The following ADAMTS1 variants were observed in gnomAD, a reference collection of about 807,000 sequenced individuals.
ADAMTS1 encodes the protein A disintegrin and metalloproteinase with thrombospondin motifs 1.
In ADAMTS1, 19 loss-of-function variants were observed where a neutral mutation model predicts 87.9. That is an observed-to-expected ratio of 0.22 (90% CI 0.15 to 0.32). ADAMTS1 has a LOEUF of 0.32. Among genes scored for constraint, ADAMTS1 ranks in the 10% least tolerant of loss-of-function variants. ADAMTS1 has a pLI of 1.00. For missense variants in ADAMTS1, 1,240 were observed against 1,259.1 expected (o/e 0.98, Z 0.23); for synonymous variants, 542 against 501.8 (o/e 1.08, Z -1.07).
In ADAMTS1 at chr21:26,839,583, C is replaced by A; in HGVS notation, c.2028+4G>T. On this transcript the variant is annotated splice_donor_region_variant and intron_variant, in intron 7 of 8. Coordinates refer to ENST00000284984, the MANE Select transcript of ADAMTS1 (RefSeq NM_006988.5). ...TAGGTAAAAATAAGGTAAAAACGAA[C>A]TACCTTGGGCTGCAAAACGAAGAAG... The A allele has an allele frequency of 6.5e-7, 1 of 1,529,740 alleles. No individual in the cohort carries two copies. The highest frequency in any genetic ancestry group is 1.3e-5 in the South Asian group (1 of 78,516). The allele number at this position is 1,529,740 out of a possible 1,614,324, so 94.8% of individuals were successfully genotyped here.
chr21:26,836,206 A>G lies in ADAMTS1; in HGVS notation c.*1373T>C, dbSNP rs1985360523. On this transcript the variant is annotated 3_prime_UTR_variant, in exon 9 of 9. Coordinates refer to ENST00000284984, the MANE Select transcript of ADAMTS1 (RefSeq NM_006988.5). ...TATTGCCAAATAATTTAAGAAAATA[A>G]TTCGGTCTTCAGATTCAATATTTGT... is the stretch of plus-strand genomic sequence containing the variant. 1 of 152,194 alleles carries G rather than the reference A, an allele frequency of 6.6e-6. No individual in the cohort carries two copies. The highest frequency in any genetic ancestry group is 2.4e-5 in the African/African-American group (1 of 41,444). 9.4% of individuals were successfully genotyped at this position (152,194 alleles called of 1,614,324 possible).
chr21:26,841,604 T>C (rs1985495648), intron 3 of ADAMTS1: 2 of 384,638 alleles, frequency 5.2e-6, no homozygotes, highest in Non-Finnish European at 9.1e-6. Context: ...AGATTGGCTC[T>C]TTTGCAGACC....
intron 3 of ADAMTS1, 29 bp downstream of exon 3, chr21:26,841,829 G>A (rs1359129270): frequency 6.2e-7 from 1 of 1,601,626 alleles, no homozygotes; most frequent in Non-Finnish European, 8.5e-7. Flanking sequence ...TCTGAATTGA[G>A]CTTAACTTCT....
rs772140668 is a variant in ADAMTS1 at position 26,841,211 on chromosome 21, G to T, written c.1211-46C>A. ...CACATTAAAGTATGGATCATGGCTG[G>T]GTGCGGTGGCTCACACCTGTAATTC... On this transcript the variant is annotated intron_variant, in intron 3 of 8. Transcript: ENST00000284984. The T allele has an allele frequency of 1.9e-6, 3 of 1,596,504 alleles. No individual in the cohort carries two copies. The African/African-American group carries it at 4.0e-5, about 21-fold the overall frequency.
rs1011964337 is a variant in ADAMTS1 at position 26,840,359 on chromosome 21, A to G, written c.1582T>C (p.Trp528Arg). 6.2e-7 allele frequency: 1 copy of G among 1,614,192 alleles called. No homozygotes were observed. Among genetic ancestry groups the G allele is most frequent in the African/African-American group, 1.3e-5 (1 of 75,060 alleles). Residue 528 changes from tryptophan (W) to arginine (R), a missense_variant, in exon 5 of 9, where the codon TGG becomes CGG. By Grantham distance (101) the Trp-to-Arg change is moderately radical. Around this residue, in one of 3 missense-constraint regions of ADAMTS1, gnomAD observed 317 missense variants for 410.3 expected, o/e 0.77. Transcript: ENST00000284984. The part of the protein sequence containing the change: ...VLVCQTKHFP[W>R]ADGTSCGEGK... ...TCTCCACAGCTGGTGCCATCCGCCC[A>G]CGGGAAGTGTTTGGTTTGACACACC...
Position 26,840,475 on chromosome 21 carries a change from T to C in ADAMTS1, c.1466A>G (p.Gln489Arg), listed in dbSNP as rs1335172889. Residue 489 changes from glutamine to arginine, a missense_variant, in exon 5 of 9, where the codon CAG (glutamine) becomes CGG (arginine). Physicochemically the swap from Gln to Arg is conservative, Grantham distance 43 (BLOSUM62 1). Around this residue, in one of 3 missense-constraint regions of ADAMTS1, gnomAD observed 317 missense variants for 410.3 expected, o/e 0.77. Coordinates refer to ENST00000284984, the MANE Select transcript of ADAMTS1 (RefSeq NM_006988.5). ...GTSYDANRQC[Q>R]FTFGEDSKHC... is the part of the protein sequence containing the mutation. ...TTTGGAGTCCTCCCCAAATGTAAAC[T>C]GGCACTGCCGGTTGGCATCGTACGA... 6.2e-7 allele frequency: 1 copy of C among 1,614,186 alleles called. No homozygotes were observed. Among genetic ancestry groups the C allele is most frequent in the South Asian group, 1.1e-5 (1 of 91,078 alleles).
Position 26,837,673 on chromosome 21 carries a change from G to A in ADAMTS1, c.2810C>T (p.Ser937Phe), listed in dbSNP as rs1245411738. 1.2e-6 allele frequency: 2 copies of A among 1,614,080 alleles called. No homozygotes were observed. The highest frequency in any genetic ancestry group is 8.5e-7 in the Non-Finnish European group (1 of 1,180,054). The change falls in exon 9 of 9, where the codon TCC becomes TTC. Residue 937 changes from serine (S) to phenylalanine (F), a missense_variant. Ser to Phe is a radical substitution (Grantham distance 155). Around this residue, in one of 3 missense-constraint regions of ADAMTS1, gnomAD observed 402 missense variants for 399.1 expected, o/e 1.01. Coordinates refer to ENST00000284984, the MANE Select transcript of ADAMTS1 (RefSeq NM_006988.5). Reference sequence around the variant, plus strand: ...ATGAGATAACACCCCTCCATCATGGGACAGACACTTCAAGCTTCTTTTTTT... The same window carrying A: ...ATGAGATAACACCCCTCCATCATGGAACAGACACTTCAAGCTTCTTTTTTT... ...GYKKRSLKCL[S>F]HDGGVLSHES...
rs200819960 is a variant in ADAMTS1, at chr21:26,843,504, G to GCA, written c.730+719_730+720dup. On this transcript the variant is annotated intron_variant, in intron 1 of 8. Transcript: ENST00000284984. The stretch of plus-strand genomic sequence containing the variant: ...CAAAAAGAACTGGAGAATAAGCACT[G>GCA]CACAGAGAGAAGGCCGTAGCAGGAA... The GCA allele has an allele frequency of 9.0e-6, 3 of 331,716 alleles. No individual in the cohort carries two copies. In the African/African-American group the frequency reaches 2.0e-4, roughly 23 times the overall value. 20.5% of individuals were successfully genotyped at this position (331,716 alleles called of 1,614,324 possible).
At chr21:26,840,952 G>T (rs202236531) in intron 4 of ADAMTS1, 46 bp downstream of exon 4, 2 of 1,574,074 alleles carry the variant, frequency 1.3e-6, no homozygotes, top group South Asian at 1.1e-5. Context: ...AACTTTATGC[G>T]TGAAAGGTTG....
In ADAMTS1 at chr21:26,844,783, C is replaced by T. The variant is rs1302248772; in HGVS notation, c.172G>A (p.Glu58Lys). ...DALGRPSEED[E>K]ELVVPELERA... is the part of the protein sequence containing the mutation. ...TCCAGCTCCGGCACCACTAGCTCCT[C>T]GTCCTCCTCGGAGGGGCGCCCGAGT... Residue 58 changes from glutamate to lysine, a missense_variant, in exon 1 of 9, where the codon GAG (glutamate) becomes AAG (lysine). This residue lies in a region of ADAMTS1 where 521 missense variants were observed against 449.7 expected (regional missense o/e 1.16). Transcript: ENST00000284984. The T allele has an allele frequency of 7.1e-6, 11 of 1,546,770 alleles. No individual in the cohort carries two copies. Among genetic ancestry groups the T allele is most frequent in the Non-Finnish European group, 7.9e-6 (9 of 1,143,996 alleles).
In ADAMTS1 at chr21:26,838,290, A is replaced by G; in HGVS notation, c.2205-12T>C. 1.9e-6 allele frequency: 3 copies of G among 1,590,950 alleles called. No individual in the cohort carries two copies. The highest frequency in any genetic ancestry group is 1.7e-6 in the Non-Finnish European group (2 of 1,167,048). On this transcript the variant is annotated splice_polypyrimidine_tract_variant and intron_variant, in intron 8 of 8. Transcript: ENST00000284984. ...CATGATATCCAGGTCTGCAGGTGAC[A>G]AAAACAGGCATAAATCTCTGATTCA... is the stretch of plus-strand genomic sequence containing the variant.
At position 26,837,871 on chromosome 21, in the gene ADAMTS1, T is replaced by G. The variant is rs748262116; in HGVS notation, c.2612A>C (p.Glu871Ala). The change falls in exon 9 of 9, where the codon GAA (glutamate) becomes GCA (alanine). Residue 871 changes from glutamate to alanine, a missense_variant. By Grantham distance (107) the Glu-to-Ala change is moderately radical. Coordinates refer to ENST00000284984, the MANE Select transcript of ADAMTS1 (RefSeq NM_006988.5). Reference sequence around the variant, plus strand: ...TACCAGTCTTCTCTGCCAACCCAATTCACATGACTTAGAACATTCGCCCCA... The same window carrying G: ...TACCAGTCTTCTCTGCCAACCCAATGCACATGACTTAGAACATTCGCCCCA... ...EEWGECSKSC[E>A]LGWQRRLVEC... 1.7e-5 allele frequency: 28 copies of G among 1,614,036 alleles called. No individual in the cohort carries two copies. The highest frequency in any genetic ancestry group is 1.3e-4 in the Admixed American group (8 of 59,990).
chr21:26,838,884 G>T (rs1048135309), intron 7 of ADAMTS1: 6 of 340,632 alleles, frequency 1.8e-5, no homozygotes, highest in Non-Finnish European at 3.2e-5. Context: ...AGAGCTGTTT[G>T]TCACTTTGTT....
Position 26,838,257 on chromosome 21 carries a change from G to GATGA in ADAMTS1, c.2222_2225dup (p.Thr743HisfsTer33). On this transcript the variant is annotated frameshift_variant, in exon 9 of 9. Transcript: ENST00000284984. LOFTEE classifies it high-confidence loss of function. Reference sequence around the variant, plus strand: ...TGTTGGTGGCTCCAGTTGGAATTGTGATGATATCATGATATCCAGGTCTGC... The same window carrying GATGA: ...TGTTGGTGGCTCCAGTTGGAATTGTGATGAATGATATCATGATATCCAGGTCTGC... 6.2e-7 allele frequency: 1 copy of GATGA among 1,610,134 alleles called. No individual in the cohort carries two copies. Among genetic ancestry groups the GATGA allele is most frequent in the South Asian group, 1.1e-5 (1 of 90,750 alleles).
At chr21:26,843,644 G>C in intron 1 of ADAMTS1, 1 of 462,844 alleles carries the variant, frequency 2.2e-6, no homozygotes, top group Non-Finnish European at 4.5e-6. Context: ...TTCTGCGAAG[G>C]GGCCCCACCG....
In ADAMTS1 at chr21:26,839,580, G is replaced by A. The variant is rs200167360; in HGVS notation, c.2028+7C>T. On this transcript the variant is annotated splice_region_variant and intron_variant, in intron 7 of 8. Coordinates refer to ENST00000284984, the MANE Select transcript of ADAMTS1 (RefSeq NM_006988.5). ...TTTTAGGTAAAAATAAGGTAAAAACGAACTACCTTGGGCTGCAAAACGAAG... is the reference window on the plus strand; with the variant it reads ...TTTTAGGTAAAAATAAGGTAAAAACAAACTACCTTGGGCTGCAAAACGAAG... 2.9e-4 allele frequency: 444 copies of A among 1,531,936 alleles called. No homozygotes were observed. Among genetic ancestry groups the A allele is most frequent in the Admixed American group, 7.2e-4 (35 of 48,476 alleles). The allele number at this position is 1,531,936 out of a possible 1,614,324, so 94.9% of individuals were successfully genotyped here.
chr21:26,842,700 A>G lies in ADAMTS1; in HGVS notation c.731-15T>C. On this transcript the variant is annotated splice_polypyrimidine_tract_variant and intron_variant, in intron 1 of 8. Coordinates refer to ENST00000284984, the MANE Select transcript of ADAMTS1 (RefSeq NM_006988.5). ...GCTTCCAGTTCCTGTAAAGAAAAAA[A>G]AAAGTTTGCTTATGGTCAGGCTGTC... 6.2e-7 allele frequency: 1 copy of G among 1,601,900 alleles called. No homozygotes were observed. Among genetic ancestry groups the G allele is most frequent in the Non-Finnish European group, 8.5e-7 (1 of 1,175,000 alleles).
In ADAMTS1 at chr21:26,842,006, G is replaced by A. The variant is rs1380952308; in HGVS notation, c.1078-16C>T. 2.5e-6 allele frequency: 4 copies of A among 1,611,080 alleles called. No individual in the cohort carries two copies. The African/African-American group carries it at 4.0e-5, about 16-fold the overall frequency. On this transcript the variant is annotated splice_polypyrimidine_tract_variant and intron_variant, in intron 2 of 8. Transcript: ENST00000284984. ...CACACAAGTCCTACAAAAAGCAAAGGTAAATACTTATTAATAAGGGGAGCA... is the reference window on the plus strand; with the variant it reads ...CACACAAGTCCTACAAAAAGCAAAGATAAATACTTATTAATAAGGGGAGCA...
chr21:26,844,828 G>C lies in ADAMTS1; in HGVS notation c.127C>G (p.Leu43Val), dbSNP rs1985586134. 6.4e-7 allele frequency: 1 copy of C among 1,552,036 alleles called. No individual in the cohort carries two copies. The highest frequency in any genetic ancestry group is 1.8e-5 in the Admixed American group (1 of 54,976). The change falls in exon 1 of 9, where the codon CTA becomes GTA. Residue 43 changes from leucine to valine, a missense_variant. Physicochemically the swap from Leu to Val is conservative, Grantham distance 32 (BLOSUM62 1). Coordinates refer to ENST00000284984, the MANE Select transcript of ADAMTS1 (RefSeq NM_006988.5). ...CCGAGTGCGTCCGACACGGCCAGTA[G>C]CGCCGCGGCGAGCAGCAGCAGCGTG... The part of the protein sequence containing the change: ...VPTLLLLAAA[L>V]LAVSDALGRP...
Sources: gnomAD v4.1 joint callset for allele counts on GRCh38, gnomAD v4.1.1 for gene constraint, gnomAD v4.1.1 regional missense constraint, MANE v1.5 for transcripts, NCBI Gene and HGNC (gene_info 2026-07-23, HGNC 2026-07-21) for gene names.